Variants in SRPK1 observed in about 807,000 individuals in gnomAD.
The protein encoded by SRPK1 is SFRS protein kinase 1.
Under a neutral mutation model 89.5 loss-of-function variants are expected in SRPK1, and 52 were observed. The observed-to-expected ratio is 0.58, with a 90% CI of 0.46 to 0.73. The LOEUF is 0.73. SRPK1 is among the 30% of genes least tolerant of loss of function. SRPK1 has a pLI of 0.00. For synonymous variants in SRPK1, 255 were observed against 270.2 expected, an observed-to-expected ratio of 0.94 and a Z score of 0.55; for missense variants, 603 against 780.6, an observed-to-expected ratio of 0.77 and a Z score of 2.71.
chr6:35,903,437 G>A (rs562746587), intron 2 of SRPK1, among the ~76,000 whole-genome samples: 1 of 151,804 alleles, frequency 6.6e-6, no homozygotes, highest in Non-Finnish European at 1.5e-5. Flanking sequence ...ACTTGAACCC[G>A]GGAGACAGAG....
intron 2 of SRPK1, among the ~76,000 whole-genome samples, chr6:35,894,514 T>C (rs964412256): frequency 3.9e-5 from 6 of 151,926 alleles, no homozygotes; most frequent in African/African-American, 1.4e-4. Context: ...CTTATGAAAA[T>C]AGAAGAGATA....
chr6:35,920,177 G>C (rs1444504640), intron 2 of SRPK1: 1 of 547,396 alleles, frequency 1.8e-6, no homozygotes, highest in Non-Finnish European at 3.5e-6. Context: ...CAAGCTAGGG[G>C]AGTTTGTGCC....
chr6:35,844,333 T>C (rs989062090), intron 13 of SRPK1, among the ~76,000 whole-genome samples: 4 of 152,242 alleles, frequency 2.6e-5, no homozygotes, highest in Admixed American at 6.5e-5. Context: ...ACCTTATTGA[T>C]AGGGAAGCAC....
chr6:35,877,277 A>G (rs1770175365), intron 6 of SRPK1, among the ~76,000 whole-genome samples: 1 of 152,214 alleles, frequency 6.6e-6, no homozygotes, highest in South Asian at 2.1e-4. Context: ...AAAATCTAAA[A>G]GGATAAAACA....
At chr6:35,873,779 C>T (rs1334386161) in intron 7 of SRPK1, among the ~76,000 whole-genome samples, 8 of 150,690 alleles carry the variant, frequency 5.3e-5, no homozygotes, top group Admixed American at 1.3e-4. Context: ...CGTGAGCCAC[C>T]GCGCCCAGCC....
At chr6:35,854,724 AAT>A (rs1769631606) in intron 13 of SRPK1, among the ~76,000 whole-genome samples, 1 of 147,860 alleles carries the variant, frequency 6.8e-6, no homozygotes, top group Non-Finnish European at 1.5e-5. Flanking sequence ...ATAAAAAAAA[AAT>A]GTCATTTTCT....
intron 2 of SRPK1, among the ~76,000 whole-genome samples, chr6:35,901,032 G>T (rs1290182152): frequency 6.6e-6 from 1 of 151,784 alleles, no homozygotes; most frequent in Non-Finnish European, 1.5e-5. Context: ...AAGAAGGAGA[G>T]ACTAAAAGCT....
At chr6:35,844,023 TG>T (rs1161145348) in intron 13 of SRPK1, among the ~76,000 whole-genome samples, 11 of 150,872 alleles carry the variant, frequency 7.3e-5, no homozygotes, top group Admixed American at 4.6e-4. Context: ...TTTTTTTTTT[TG>T]GATGGAGTCT....
intron 2 of SRPK1, among the ~76,000 whole-genome samples, chr6:35,902,827 A>G (rs138209098): frequency 8.3e-4 from 126 of 152,320 alleles, no homozygotes; most frequent in African/African-American, 2.8e-3. Context: ...TGCAAAATAC[A>G]ATTCCTGTTA....
chr6:35,893,919 G>A (rs1158848328), intron 2 of SRPK1, among the ~76,000 whole-genome samples: 5 of 152,078 alleles, frequency 3.3e-5, no homozygotes, highest in East Asian at 1.9e-4. Flanking sequence ...GCTGAGGTGT[G>A]AGAATTGCTT....
intron 13 of SRPK1, 59 bp from the exon 14 acceptor site, chr6:35,842,663 C>A (rs1414330042): frequency 2.2e-6 from 3 of 1,345,990 alleles, no homozygotes; most frequent in Admixed American, 2.4e-5. Context: ...CTTTGGAAAG[C>A]TGATTGCTAT....
intron 12 of SRPK1, among the ~76,000 whole-genome samples, chr6:35,866,292 A>T (rs1769901893): frequency 6.6e-6 from 1 of 152,160 alleles, no homozygotes; most frequent in Non-Finnish European, 1.5e-5. Flanking sequence ...CTCTATAGAA[A>T]ATAGTATGAA....
rs675664 is a variant in SRPK1 at position 35,920,843 on chromosome 6, G to A, written c.13+201C>T. Reference sequence around the variant, plus strand: ...CTGGCGGGGAACAAGGGGCGGCTACGGCCGGCGCCAGAGGACGCCCGGACT... The same window carrying A: ...CTGGCGGGGAACAAGGGGCGGCTACAGCCGGCGCCAGAGGACGCCCGGACT... On this transcript the variant is annotated intron_variant, in intron 1 of 15. Coordinates refer to ENST00000373825, the MANE Select transcript of SRPK1 (RefSeq NM_003137.5). 5.7e-6 allele frequency: 3 copies of A among 524,312 alleles called. No homozygotes were observed. The East Asian group carries it at 1.1e-4, about 19-fold the overall frequency. 32.5% of individuals were successfully genotyped at this position (524,312 alleles called of 1,614,324 possible).
At chr6:35,841,979 G>A (rs1769320427) in intron 14 of SRPK1, among the ~76,000 whole-genome samples, 1 of 152,030 alleles carries the variant, frequency 6.6e-6, no homozygotes, top group African/African-American at 2.4e-5. Flanking sequence ...CAAAGTAACT[G>A]GCAGCCTAGG....
intron 2 of SRPK1, chr6:35,920,046 G>GA (rs1562002389): frequency 2.2e-6 from 1 of 457,288 alleles, no homozygotes; most frequent in South Asian, 1.5e-5. Context: ...ATTCATTCAA[G>GA]AATTTCCTTA....
intron 2 of SRPK1, among the ~76,000 whole-genome samples, chr6:35,891,358 T>C (rs1443549122): frequency 1.3e-5 from 2 of 152,214 alleles, no homozygotes; most frequent in African/African-American, 4.8e-5. Context: ...ACATACTACA[T>C]AAACAAATTT....
Position 35,874,169 on chromosome 6 carries a change from T to C in SRPK1, c.585+64A>G. The C allele has an allele frequency of 5.2e-6, 7 of 1,344,704 alleles. No homozygotes were observed. In the South Asian group the frequency reaches 8.8e-5, roughly 17 times the overall value. The allele number at this position is 1,344,704 out of a possible 1,614,324, so 83.3% of individuals were successfully genotyped here. A position where few individuals can be genotyped will look rare whatever the true frequency, so the allele number is the denominator to read the frequency against. ...TTGGAAAAAATAAAGTCCTGACACT[T>C]CAAGAATATTAAAAAATCACTACAT... On this transcript the variant is annotated intron_variant, in intron 7 of 15. Coordinates refer to ENST00000373825, the MANE Select transcript of SRPK1 (RefSeq NM_003137.5).
chr6:35,901,353 G>C (rs188625166), intron 2 of SRPK1, among the ~76,000 whole-genome samples: 1 of 152,236 alleles, frequency 6.6e-6, no homozygotes, highest in African/African-American at 2.4e-5. Context: ...TGGATGTAGA[G>C]ACACACACAC....
chr6:35,876,118 T>C (rs1770153778), intron 6 of SRPK1, among the ~76,000 whole-genome samples: 2 of 93,812 alleles, frequency 2.1e-5, no homozygotes, highest in African/African-American at 4.0e-5. Flanking sequence ...GGCAATGTCA[T>C]AAATGTTCCA....
Sources: allele counts gnomAD v4.1 joint callset (sites outside exome capture counted in the v4.1 genomes callset), GRCh38; gene constraint gnomAD v4.1.1; transcripts MANE v1.5; gene names NCBI Gene and HGNC (gene_info 2026-07-23, HGNC 2026-07-21).